Variants in SCML4 observed in about 807,000 individuals in gnomAD.
SCML4 encodes the protein Scm polycomb group protein like 4, also known as sex comb on midleg-like protein 4.
Under a neutral mutation model 41.1 loss-of-function variants are expected in SCML4, and 34 were observed. That is an observed-to-expected ratio of 0.83 (90% CI 0.63 to 1.10). The LOEUF (loss-of-function observed/expected upper bound fraction) is 1.10. SCML4 is among the 50% of genes least tolerant of loss of function. The pLI, the probability that SCML4 is intolerant of heterozygous loss-of-function variation, is 0.00. For synonymous variants in SCML4, 214 were observed against 220.9 expected (o/e 0.97, Z 0.28); for missense variants, 522 against 534.1 (o/e 0.98, Z 0.22).
chr6:107,834,963 AG>A, the SCML4 span, among the ~76,000 whole-genome samples: 1 of 151,636 alleles, frequency 6.6e-6, no homozygotes, highest in Non-Finnish European at 1.5e-5. Context: ...ATTTGGAAAA[AG>A]GCAAATTTCA....
rs963911515 is a variant in SCML4 at position 107,749,715 on chromosome 6, G to A, written c.255C>T (p.Val85=). ...GAGCCTGTGGGGCCGCCAAGCTGGG[G>A]ACCGTGGCTGCGTCCTGAGGGATGG... ...LSSIPQDAAT[V]PSLAAPQALT... is the part of the protein sequence containing the mutation. Residue 85 remains valine, a synonymous_variant, in exon 3 of 8, where the codon GTC becomes GTT. Coordinates refer to ENST00000369020, the MANE Select transcript of SCML4 (RefSeq NM_198081.5). 1.9e-6 allele frequency: 3 copies of A among 1,614,058 alleles called. No homozygotes were observed. Among genetic ancestry groups the A allele is most frequent in the African/African-American group, 1.3e-5 (1 of 75,032 alleles).
chr6:107,767,178 G>A (rs1013701061), intron 2 of SCML4, among the ~76,000 whole-genome samples: 1 of 151,850 alleles, frequency 6.6e-6, no homozygotes, highest in Non-Finnish European at 1.5e-5. Flanking sequence ...GGGTGGTCTC[G>A]ATCTCCTGAC....
At chr6:107,743,340 C>T (rs960549415) in intron 5 of SCML4, among the ~76,000 whole-genome samples, 2 of 152,082 alleles carry the variant, frequency 1.3e-5, no homozygotes, top group East Asian at 1.9e-4. Flanking sequence ...GAACTAGTCC[C>T]GCAGGATACA....
intron 1 of SCML4, among the ~76,000 whole-genome samples, chr6:107,817,636 GAA>G (rs59655748): frequency 1.3e-5 from 1 of 76,774 alleles, no homozygotes; most frequent in Non-Finnish European, 2.2e-5. Flanking sequence ...AAAAAAAAAA[GAA>G]AAAAAAAAAT....
intron 5 of SCML4, among the ~76,000 whole-genome samples, chr6:107,723,735 A>G (rs904639780): frequency 3.9e-5 from 6 of 152,230 alleles, no homozygotes; most frequent in African/African-American, 1.4e-4. Context: ...AGAAAAAATA[A>G]TACTAATTCT....
At chr6:107,797,645 T>A (rs1212614370) in intron 1 of SCML4, among the ~76,000 whole-genome samples, 1 of 151,994 alleles carries the variant, frequency 6.6e-6, no homozygotes, top group Non-Finnish European at 1.5e-5. Flanking sequence ...CTTGTTACAG[T>A]GGTTGGAAAT....
chr6:107,733,551 G>A (rs1222459577), intron 5 of SCML4, among the ~76,000 whole-genome samples: 1 of 152,196 alleles, frequency 6.6e-6, no homozygotes, highest in Non-Finnish European at 1.5e-5. Flanking sequence ...TCTAACCCTA[G>A]TTCTCAAGCA....
intron 5 of SCML4, among the ~76,000 whole-genome samples, chr6:107,724,654 C>G (rs1174242481): frequency 6.6e-6 from 1 of 152,114 alleles, no homozygotes; most frequent in South Asian, 2.1e-4. Flanking sequence ...AAAAAAAAAT[C>G]TCATGTTCAT....
intron 5 of SCML4, among the ~76,000 whole-genome samples, chr6:107,722,066 T>C (rs374177749): frequency 1.4e-4 from 21 of 150,222 alleles, no homozygotes; most frequent in African/African-American, 5.1e-4. Flanking sequence ...CTCGGCTCAC[T>C]GCAACCTCCA....
intron 6 of SCML4, among the ~76,000 whole-genome samples, chr6:107,712,496 G>A (rs945416006): frequency 6.6e-6 from 1 of 152,164 alleles, no homozygotes; most frequent in Admixed American, 6.5e-5. Flanking sequence ...TAACTGAGAT[G>A]GCAAAGTGGG....
chr6:107,803,235 G>A (rs9400147), intron 1 of SCML4, among the ~76,000 whole-genome samples: 768 of 7,768 alleles, frequency 0.099, 225 homozygotes, highest in African/African-American at 0.22. Context: ...GCCTCTGCCC[G>A]GCCGCCCTGT....
intron 5 of SCML4, among the ~76,000 whole-genome samples, chr6:107,726,447 G>C (rs1250035630): frequency 6.9e-6 from 1 of 145,116 alleles, no homozygotes; most frequent in Non-Finnish European, 1.5e-5. Context: ...GCAGGAGAAT[G>C]GCGTGAACCC....
At chr6:107,778,980 A>G (rs531220162) in intron 1 of SCML4, among the ~76,000 whole-genome samples, 104 of 152,198 alleles carry the variant, frequency 6.8e-4, no homozygotes, top group Non-Finnish European at 1.3e-3. Context: ...GGAGATCAAG[A>G]CCATCCTGGC....
At chr6:107,811,289 C>T (rs926709563) in intron 1 of SCML4, among the ~76,000 whole-genome samples, 1 of 152,196 alleles carries the variant, frequency 6.6e-6, no homozygotes, top group South Asian at 2.1e-4. Context: ...TACACAGGAG[C>T]CAGATCACCA....
chr6:107,799,294 C>T (rs1199412697), intron 1 of SCML4, among the ~76,000 whole-genome samples: 1 of 152,100 alleles, frequency 6.6e-6, no homozygotes. Flanking sequence ...TGATTTGACT[C>T]TTTTATTATT....
intron 1 of SCML4, among the ~76,000 whole-genome samples, chr6:107,787,012 G>A (rs1356024123): frequency 6.6e-6 from 1 of 152,226 alleles, no homozygotes; most frequent in Non-Finnish European, 1.5e-5. Context: ...TTAGTGGGCA[G>A]AGGGTAGATT....
the SCML4 span, among the ~76,000 whole-genome samples, chr6:107,833,519 C>G: frequency 1.3e-5 from 2 of 152,080 alleles, no homozygotes; most frequent in Non-Finnish European, 2.9e-5. Context: ...TGCTTCCTTT[C>G]AGCAGTAACA....
In SCML4 at chr6:107,789,835, C is replaced by T. The variant is rs532695150; in HGVS notation, c.-59-17449G>A. Reference sequence around the variant, plus strand: ...TGACACACACCACTGCACACAGGGCCCAGCTCACAGGACCAGCAAAGCAAC... The same window carrying T: ...TGACACACACCACTGCACACAGGGCTCAGCTCACAGGACCAGCAAAGCAAC... On this transcript the variant is annotated intron_variant, in intron 1 of 7. Coordinates refer to ENST00000369020, the MANE Select transcript of SCML4 (RefSeq NM_198081.5). Among the ~76,000 whole-genome samples the T allele has an allele frequency of 1.9e-4, 29 of 152,274 alleles. No homozygotes were observed. In the South Asian group the frequency reaches 5.6e-3, roughly 29 times the overall value.
chr6:107,737,890 G>C (rs1314332799), intron 5 of SCML4, among the ~76,000 whole-genome samples: 3 of 151,750 alleles, frequency 2.0e-5, no homozygotes, highest in Non-Finnish European at 4.4e-5. Flanking sequence ...CCAAAAACTT[G>C]TACAAATAAA....
Sources: allele counts gnomAD v4.1 joint callset (sites outside exome capture counted in the v4.1 genomes callset), GRCh38; gene constraint gnomAD v4.1.1; transcripts MANE v1.5; gene names NCBI Gene and HGNC (gene_info 2026-07-23, HGNC 2026-07-21).